TMEM117: variants seen among roughly 807,000 people sequenced by gnomAD.
The protein encoded by TMEM117 is transmembrane protein 117.
A neutral mutation model predicts 52.4 loss-of-function variants in TMEM117; 27 were observed. That is an observed-to-expected ratio of 0.51 (90% CI 0.38 to 0.71). The LOEUF is 0.71. TMEM117 is among the 30% of genes least tolerant of loss of function. The pLI is 0.00. For synonymous variants in TMEM117, 215 were observed against 206.3 expected, an observed-to-expected ratio of 1.04 and a Z score of -0.36; for missense variants, 556 against 630.5, an observed-to-expected ratio of 0.88 and a Z score of 1.26.
intron 2 of TMEM117, among the ~76,000 whole-genome samples, chr12:43,901,066 A>G (rs983409643): frequency 6.6e-6 from 1 of 152,128 alleles, no homozygotes; most frequent in African/African-American, 2.4e-5. Flanking sequence ...TATAAATGAA[A>G]CATTTTTGTA....
At chr12:44,152,918 AAGTATATATTT>A (rs1948774530) in intron 4 of TMEM117, among the ~76,000 whole-genome samples, 1 of 148,580 alleles carries the variant, frequency 6.7e-6, no homozygotes, top group Admixed American at 6.8e-5. Flanking sequence ...TTATATTCTT[AAGTATATATTT>A]ATATATACTT....
chr12:44,281,234 A>C (rs1450059891), intron 5 of TMEM117, among the ~76,000 whole-genome samples: 1 of 152,130 alleles, frequency 6.6e-6, no homozygotes, highest in African/African-American at 2.4e-5. Context: ...ATTTCAGGTA[A>C]TTTTTGTGTT....
At chr12:44,274,431 C>T (rs1950486936) in intron 5 of TMEM117, among the ~76,000 whole-genome samples, 2 of 152,080 alleles carry the variant, frequency 1.3e-5, no homozygotes, top group African/African-American at 4.8e-5. Flanking sequence ...TAATGACATT[C>T]TTCACAAAAA....
At chr12:44,142,229 T>G (rs887209505) in intron 3 of TMEM117, among the ~76,000 whole-genome samples, 2 of 152,156 alleles carry the variant, frequency 1.3e-5, no homozygotes, top group Non-Finnish European at 2.9e-5. Context: ...TTTGGCACCT[T>G]ATAAGCATGC....
chr12:44,204,814 A>C (rs1949543420), intron 4 of TMEM117, among the ~76,000 whole-genome samples: 2 of 152,152 alleles, frequency 1.3e-5, no homozygotes, highest in Non-Finnish European at 2.9e-5. Context: ...GGGACTCCCT[A>C]TTCAATAAAT....
At chr12:43,800,093 T>C in the TMEM117 span, among the ~76,000 whole-genome samples, 1 of 152,120 alleles carries the variant, frequency 6.6e-6, no homozygotes, top group Non-Finnish European at 1.5e-5. Context: ...CTAGATTATA[T>C]GACTTTCTGA....
At chr12:43,839,779 G>A (rs972416397) in intron 1 of TMEM117, among the ~76,000 whole-genome samples, 1 of 152,186 alleles carries the variant, frequency 6.6e-6, no homozygotes, top group African/African-American at 2.4e-5. Flanking sequence ...ATAGGCAACT[G>A]GTAAATGTTG....
At chr12:44,213,217 A>T (rs1455159137) in intron 5 of TMEM117, among the ~76,000 whole-genome samples, 1 of 152,172 alleles carries the variant, frequency 6.6e-6, no homozygotes, top group Non-Finnish European at 1.5e-5. Flanking sequence ...ATCCCATAAG[A>T]TAGGTGCTAT....
At chr12:43,916,215 A>G (rs1244565200) in intron 2 of TMEM117, among the ~76,000 whole-genome samples, 1 of 152,198 alleles carries the variant, frequency 6.6e-6, no homozygotes, top group Non-Finnish European at 1.5e-5. Context: ...TCATTGCCTA[A>G]TATTTTTCAG....
the TMEM117 span, chr12:43,802,570 T>C: frequency 2.4e-6 from 2 of 830,802 alleles, no homozygotes; most frequent in Admixed American, 5.6e-5. Flanking sequence ...CAGTTACTAT[T>C]ATTCACATCA....
chr12:44,392,470 G>C (rs1034037494), downstream of TMEM117, among the ~76,000 whole-genome samples: 1 of 152,072 alleles, frequency 6.6e-6, no homozygotes, highest in Non-Finnish European at 1.5e-5. Flanking sequence ...CTGACTGAGG[G>C]TATTACATAA....
the TMEM117 span, among the ~76,000 whole-genome samples, chr12:43,820,398 C>G: frequency 1.3e-5 from 2 of 152,154 alleles, no homozygotes; most frequent in Non-Finnish European, 2.9e-5. Context: ...CTCAGCCTCC[C>G]GAGTAGCTGG....
chr12:43,980,233 G>A (rs1361265531), intron 3 of TMEM117, among the ~76,000 whole-genome samples: 1 of 152,132 alleles, frequency 6.6e-6, no homozygotes, highest in African/African-American at 2.4e-5. Context: ...GTAGGTGATA[G>A]TTCTTCCTCC....
intron 5 of TMEM117, among the ~76,000 whole-genome samples, chr12:44,266,957 A>G (rs530108443): frequency 5.9e-5 from 9 of 152,032 alleles, no homozygotes; most frequent in African/African-American, 1.2e-4. Context: ...TGGATTCTCA[A>G]TTCTGTTTTG....
intron 6 of TMEM117, among the ~76,000 whole-genome samples, chr12:44,300,741 T>A (rs576055742): frequency 6.6e-6 from 1 of 152,334 alleles, no homozygotes; most frequent in East Asian, 1.9e-4. Flanking sequence ...AAATACACTA[T>A]CATTTTTAAA....
At chr12:44,322,137 C>G (rs1951138954) in intron 6 of TMEM117, among the ~76,000 whole-genome samples, 1 of 152,172 alleles carries the variant, frequency 6.6e-6, no homozygotes, top group Admixed American at 6.6e-5. Flanking sequence ...GTCAGAGAAG[C>G]TATGTTAGAG....
rs536580382 is a variant in TMEM117, at chr12:44,299,853, C to T, written c.768+114C>T. 5.4e-6 allele frequency: 7 copies of T among 1,290,900 alleles called. No individual in the cohort carries two copies. The South Asian group carries it at 1.0e-4, about 19-fold the overall frequency. The allele number at this position is 1,290,900 out of a possible 1,614,324, so 80.0% of individuals were successfully genotyped here. On this transcript the variant is annotated intron_variant, in intron 6 of 7. Coordinates refer to ENST00000266534, the MANE Select transcript of TMEM117 (RefSeq NM_032256.3). ...TAAATAAGTACAGCATTTACAGTTACTTTTGATGGGGCCTTCTCTGTTTAT... is the reference window on the plus strand; with the variant it reads ...TAAATAAGTACAGCATTTACAGTTATTTTTGATGGGGCCTTCTCTGTTTAT...
Position 44,181,834 on chromosome 12 carries a change from C to T in TMEM117, c.511-29456C>T, listed in dbSNP as rs1294682158. Among the ~76,000 whole-genome samples, 23 of 151,006 alleles carry T rather than the reference C, an allele frequency of 1.5e-4. No individual in the cohort carries two copies. The South Asian group carries it at 3.0e-3, about 19-fold the overall frequency. The stretch of plus-strand genomic sequence containing the variant: ...TTGGCTTAGGATTGACTTGGCGATG[C>T]GGGCTCTTTTTTGGTTCCATATGAA... On this transcript the variant is annotated intron_variant, in intron 4 of 7. Coordinates refer to ENST00000266534, the MANE Select transcript of TMEM117 (RefSeq NM_032256.3).
intron 2 of TMEM117, among the ~76,000 whole-genome samples, chr12:43,920,306 A>C (rs1026854182): frequency 6.6e-6 from 1 of 152,124 alleles, no homozygotes; most frequent in Non-Finnish European, 1.5e-5. Context: ...CGGGCGGATC[A>C]CGAGGTCAGA....
Sources: gnomAD v4.1 joint callset for allele counts (sites outside exome capture counted in the v4.1 genomes callset) on GRCh38, gnomAD v4.1.1 for gene constraint, MANE v1.5 for transcripts, NCBI Gene and HGNC (gene_info 2026-07-23, HGNC 2026-07-21) for gene names.